CYP2C19: variants seen among roughly 807,000 people sequenced by gnomAD.
CYP2C19 encodes cytochrome P450 family 2 subfamily C member 19.
In CYP2C19, 59 loss-of-function variants were observed where a neutral mutation model predicts 40.9. That is an observed-to-expected ratio of 1.44 (90% CI 1.17 to 1.79). The LOEUF is 1.79. Among genes scored for constraint, CYP2C19 ranks in the 40% most tolerant of loss-of-function variants. CYP2C19 has a pLI of 0.00. For missense variants in CYP2C19, 754 were observed against 596.9 expected, an observed-to-expected ratio of 1.26 and a Z score of -2.74; for synonymous variants, 253 against 208.7, an observed-to-expected ratio of 1.21 and a Z score of -1.83.
intron 5 of CYP2C19, among the ~76,000 whole-genome samples, chr10:94,785,276 G>A (rs1466276941): frequency 1.3e-5 from 2 of 151,970 alleles, no homozygotes; most frequent in Non-Finnish European, 2.9e-5. Context: ...TATTCTAAGA[G>A]TTTTATAGTT....
chr10:94,818,012 C>CAA (rs71031597), intron 5 of CYP2C19, among the ~76,000 whole-genome samples: 31 of 77,148 alleles, frequency 4.0e-4, no homozygotes, highest in African/African-American at 6.0e-4. Context: ...GACTCCATCT[C>CAA]AAAAAAAAAA....
At chr10:94,770,516 T>C (rs1848314071) in intron 1 of CYP2C19, among the ~76,000 whole-genome samples, 3 of 152,048 alleles carry the variant, frequency 2.0e-5, no homozygotes, top group Admixed American at 6.5e-5. Context: ...GTACCTATTA[T>C]AGAACACTGA....
At chr10:94,820,295 G>A (rs888279546) in intron 5 of CYP2C19, among the ~76,000 whole-genome samples, 1 of 151,902 alleles carries the variant, frequency 6.6e-6, no homozygotes, top group Non-Finnish European at 1.5e-5. Flanking sequence ...TACTGAATGG[G>A]CAAAAACTGG....
At chr10:94,827,892 T>C (rs1253804091) in intron 6 of CYP2C19, among the ~76,000 whole-genome samples, 5 of 151,976 alleles carry the variant, frequency 3.3e-5, no homozygotes, top group Non-Finnish European at 4.4e-5. Flanking sequence ...TCAAAGAACA[T>C]CTTTATTTCT....
chr10:94,850,247 G>A (rs771160427), intron 8 of CYP2C19, among the ~76,000 whole-genome samples, 189 bp downstream of exon 8: 4 of 152,052 alleles, frequency 2.6e-5, no homozygotes, highest in Non-Finnish European at 4.4e-5. Context: ...AGTGGGTTTT[G>A]GAGAATTAAT....
rs1425700365 is a variant in CYP2C19, at chr10:94,839,792, A to G, written c.962-3045A>G. On this transcript the variant is annotated intron_variant, in intron 6 of 8. Coordinates refer to ENST00000371321, the MANE Select transcript of CYP2C19 (RefSeq NM_000769.4). ...TTTCCTCAGTCACCTGGGAGGAACC[A>G]TCTATCATCCTGTCCTGAAGGGAGT... Among the ~76,000 whole-genome samples the G allele has an allele frequency of 3.9e-5, 6 of 152,328 alleles. No homozygotes were observed. In the East Asian group the frequency reaches 7.7e-4, roughly 20 times the overall value.
In CYP2C19 at chr10:94,852,820, C is replaced by T; in HGVS notation, c.1379C>T (p.Ser460Phe). The T allele has an allele frequency of 1.9e-6, 3 of 1,614,038 alleles. No individual in the cohort carries two copies. Among genetic ancestry groups the T allele is most frequent in the Non-Finnish European group, 2.5e-6 (3 of 1,179,964 alleles). Reference protein sequence around the residue: ...TFILQNFNLKSLIDPKDLDTT... With the variant: ...TFILQNFNLKFLIDPKDLDTT... ...ATTTTACAGAACTTTAACCTGAAAT[C>T]TCTGATTGACCCAAAGGACCTTGAC... is the stretch of plus-strand genomic sequence containing the variant. Residue 460 changes from serine (S) to phenylalanine (F), a missense_variant, in exon 9 of 9, where the codon TCT becomes TTT. Transcript: ENST00000371321.
chr10:94,849,812 GT>G, intron 7 of CYP2C19, 104 bp from the exon 8 acceptor site: 1 of 1,404,494 alleles, frequency 7.1e-7, no homozygotes, highest in Non-Finnish European at 1.0e-6. Context: ...TTGGAATGGT[GT>G]TTCATCATCT....
intron 6 of CYP2C19, among the ~76,000 whole-genome samples, chr10:94,822,930 T>A (rs1849152452): frequency 6.6e-6 from 1 of 152,130 alleles, no homozygotes; most frequent in Non-Finnish European, 1.5e-5. Context: ...TTTTTTTTGT[T>A]TTTTGCTTGT....
rs552375790 is a variant in CYP2C19 at position 94,766,881 on chromosome 10, G to A, written c.168+4008G>A. Among the ~76,000 whole-genome samples the A allele has an allele frequency of 4.6e-5, 7 of 152,164 alleles. No individual in the cohort carries two copies. In the South Asian group the frequency reaches 1.5e-3, roughly 32 times the overall value. On this transcript the variant is annotated intron_variant, in intron 1 of 8. Transcript: ENST00000371321. ...GGGGTTAGAGAGGATTACCGAGTAT[G>A]GTCCTTCCCACAAAGAGGCCATAGA...
rs17885978 is a variant in CYP2C19, at chr10:94,852,065, C to CTCA, written c.1292-667_1292-666insCAT. Among the ~76,000 whole-genome samples, 473 of 152,194 alleles carry CTCA rather than the reference C, an allele frequency of 3.1e-3. 3 individuals carry two copies. The highest frequency in any genetic ancestry group is 0.011 in the African/African-American group (450 of 41,518). ...AGAAGCATGATATAAAACTTGAAAC[C>CTCA]TAGTGTGTTGGGGACTGATGATGAG... On this transcript the variant is annotated intron_variant, in intron 8 of 8. Coordinates refer to ENST00000371321, the MANE Select transcript of CYP2C19 (RefSeq NM_000769.4).
intron 5 of CYP2C19, among the ~76,000 whole-genome samples, chr10:94,800,834 G>T (rs890922136): frequency 1.3e-5 from 2 of 152,216 alleles, no homozygotes; most frequent in African/African-American, 4.8e-5. Context: ...CCAGGCACGG[G>T]AGAGAATCTT....
intron 5 of CYP2C19, among the ~76,000 whole-genome samples, chr10:94,810,661 A>G (rs1848907068): frequency 6.6e-6 from 1 of 152,094 alleles, no homozygotes; most frequent in Non-Finnish European, 1.5e-5. Context: ...TAGATTTTCT[A>G]GTTTATTTGC....
chr10:94,781,013 G>C (rs1209358321), intron 4 of CYP2C19, among the ~76,000 whole-genome samples: 1 of 152,064 alleles, frequency 6.6e-6, no homozygotes, highest in Non-Finnish European at 1.5e-5. Context: ...CACAAGGCTT[G>C]TCCTTCAATT....
At chr10:94,800,618 C>T (rs935690480) in intron 5 of CYP2C19, among the ~76,000 whole-genome samples, 3 of 152,164 alleles carry the variant, frequency 2.0e-5, no homozygotes, top group Admixed American at 6.5e-5. Context: ...TTCAGCTATG[C>T]CTTGCCCTGG....
At chr10:94,809,264 C>T (rs1036798382) in intron 5 of CYP2C19, among the ~76,000 whole-genome samples, 2 of 152,134 alleles carry the variant, frequency 1.3e-5, no homozygotes, top group East Asian at 1.9e-4. Context: ...AATCTTTTGC[C>T]CACTTTAAAA....
intron 6 of CYP2C19, among the ~76,000 whole-genome samples, chr10:94,835,059 G>T (rs908747536): frequency 6.6e-6 from 1 of 152,148 alleles, no homozygotes; most frequent in Admixed American, 6.5e-5. Flanking sequence ...TAGCAGGCTG[G>T]TCCAAGGGTC....
chr10:94,777,077 A>G (rs1176279183), intron 3 of CYP2C19, among the ~76,000 whole-genome samples: 1 of 152,170 alleles, frequency 6.6e-6, no homozygotes, highest in Non-Finnish European at 1.5e-5. Flanking sequence ...TAAAATGGCT[A>G]GAAATACAAC....
Position 94,804,416 on chromosome 10 carries a change from C to G in CYP2C19, c.820-16080C>G, listed in dbSNP as rs554558890. The stretch of plus-strand genomic sequence containing the variant: ...TTCTGGCCTGAGACTAAAATATCTG[C>G]GTGGCCATGATGCCAGGCTGCCAAA... On this transcript the variant is annotated intron_variant, in intron 5 of 8. Transcript: ENST00000371321. Among the ~76,000 whole-genome samples, 7 of 152,298 alleles carry G rather than the reference C, an allele frequency of 4.6e-5. No individual in the cohort carries two copies. The South Asian group carries it at 1.2e-3, about 27-fold the overall frequency.
Sources: gnomAD v4.1 joint callset for allele counts (sites outside exome capture counted in the v4.1 genomes callset) on GRCh38, gnomAD v4.1.1 for gene constraint, MANE v1.5 for transcripts, NCBI Gene and HGNC (gene_info 2026-07-23, HGNC 2026-07-21) for gene names.